The following NAV3 variants were observed in gnomAD, a reference collection of about 807,000 sequenced individuals.
The protein encoded by NAV3 is neuron navigator 3, also known as pore membrane and/or filament interacting like protein 1.
NAV3 carries 87 observed loss-of-function variants against 244.7 expected under a neutral mutation model. That is an observed-to-expected ratio of 0.36 (90% confidence interval 0.30 to 0.42). The LOEUF is 0.42. Among genes scored for constraint, NAV3 ranks in the 20% least tolerant of loss-of-function variants. NAV3 has a pLI of 1.00. For synonymous variants in NAV3, 1,126 were observed against 1,042.2 expected (o/e 1.08, Z -1.55); for missense variants, 2,663 against 2,893.3 (o/e 0.92, Z 1.83).
intron 2 of NAV3, among the ~76,000 whole-genome samples, chr12:77,739,823 G>T (rs1251095082): frequency 3.3e-5 from 5 of 152,074 alleles, no homozygotes; most frequent in Non-Finnish European, 5.9e-5. Flanking sequence ...AGATCCACAT[G>T]GATAATTGTC....
intron 2 of NAV3, among the ~76,000 whole-genome samples, chr12:77,818,923 T>C (rs962351922): frequency 6.6e-6 from 1 of 152,090 alleles, no homozygotes; most frequent in Non-Finnish European, 1.5e-5. Context: ...AATAGCTCAT[T>C]TCCCGGATTG....
chr12:78,127,463 T>TAAAC (rs542102606), intron 17 of NAV3, among the ~76,000 whole-genome samples: 30 of 152,216 alleles, frequency 2.0e-4, no homozygotes, highest in Admixed American at 1.4e-3. Flanking sequence ...GAAATAATAC[T>TAAAC]AAACAAACAA....
intron 2 of NAV3, among the ~76,000 whole-genome samples, chr12:77,792,495 C>T (rs370051311): frequency 3.7e-4 from 56 of 152,130 alleles, no homozygotes; most frequent in African/African-American, 1.3e-3. Context: ...AACCTGCTGC[C>T]CTGCTCTGAA....
chr12:77,960,866 T>TA (rs987919707), intron 3 of NAV3, among the ~76,000 whole-genome samples: 3 of 33,018 alleles, frequency 9.1e-5, no homozygotes, highest in East Asian at 6.0e-3. Flanking sequence ...ATTACACACA[T>TA]ATAATAATAT....
chr12:77,741,135 G>GAAAAAAAAAAAAA (rs71088333), intron 2 of NAV3, among the ~76,000 whole-genome samples: 1 of 60,750 alleles, frequency 1.6e-5, no homozygotes, highest in East Asian at 3.7e-4. Flanking sequence ...AATAGTCAAA[G>GAAAAAAAAAAAAA]AAAAAAAAAA....
At position 78,189,999 on chromosome 12, in the gene NAV3, G is replaced by A; in HGVS notation, c.6071G>A (p.Ser2024Asn). Residue 2024 changes from serine to asparagine, a missense_variant, in exon 34 of 40, where the codon AGT (serine) becomes AAT (asparagine). Physicochemically the swap from Ser to Asn is conservative, Grantham distance 46. Coordinates refer to ENST00000397909, the MANE Select transcript of NAV3 (RefSeq NM_001024383.2). ...CTTCTTTCAGGGGTAGAAGAAAATAGTTTGGACAGTTTTGTTTTTGATACG... is the reference window on the plus strand; with the variant it reads ...CTTCTTTCAGGGGTAGAAGAAAATAATTTGGACAGTTTTGTTTTTGATACG... ...TVNLKGVEENSLDSFVFDTLI... is the reference protein window; with the variant it reads ...TVNLKGVEENNLDSFVFDTLI... 1 of 1,612,588 alleles carries A rather than the reference G, an allele frequency of 6.2e-7. No homozygotes were observed. The highest frequency in any genetic ancestry group is 8.5e-7 in the Non-Finnish European group (1 of 1,179,160).
chr12:77,640,852 A>T (rs1277774147), intron 2 of NAV3, among the ~76,000 whole-genome samples: 1 of 152,176 alleles, frequency 6.6e-6, no homozygotes, highest in East Asian at 1.9e-4. Flanking sequence ...CTCACACCCA[A>T]GTAAACATGG....
upstream of NAV3, among the ~76,000 whole-genome samples, chr12:77,829,677 A>G (rs1873390079): frequency 6.6e-6 from 1 of 152,210 alleles, no homozygotes; most frequent in South Asian, 2.1e-4. Flanking sequence ...CCCGCTGTGT[A>G]AAGCCCACTT....
At chr12:77,636,062 G>A (rs564895397) in intron 2 of NAV3, among the ~76,000 whole-genome samples, 1 of 152,180 alleles carries the variant, frequency 6.6e-6, no homozygotes, top group Non-Finnish European at 1.5e-5. Flanking sequence ...ACATTTATGC[G>A]ACCAGCAAAC....
At chr12:77,902,358 C>T (rs149281332) in intron 1 of NAV3, among the ~76,000 whole-genome samples, 3 of 152,150 alleles carry the variant, frequency 2.0e-5, no homozygotes, top group African/African-American at 7.2e-5. Context: ...GATTTTGAAA[C>T]TGAGCCTATG....
chr12:77,854,103 AAT>A (rs1877975643), intron 1 of NAV3, among the ~76,000 whole-genome samples: 1 of 152,198 alleles, frequency 6.6e-6, no homozygotes, highest in African/African-American at 2.4e-5. Context: ...TTCCACACAC[AAT>A]ATGAATTTCA....
chr12:78,043,780 TG>T (rs1174024989), intron 9 of NAV3, among the ~76,000 whole-genome samples: 2 of 152,212 alleles, frequency 1.3e-5, no homozygotes, highest in Non-Finnish European at 1.5e-5. Flanking sequence ...TTGATGGGGT[TG>T]TTTTTTTCTT....
At chr12:78,123,028 C>T (rs1266879346) in intron 16 of NAV3, among the ~76,000 whole-genome samples, 5 of 151,804 alleles carry the variant, frequency 3.3e-5, no homozygotes, top group African/African-American at 1.2e-4. Context: ...TTCTCATTGG[C>T]TTTATATATA....
At chr12:77,578,654 C>A (rs1467235777) in intron 2 of NAV3, among the ~76,000 whole-genome samples, 2 of 152,126 alleles carry the variant, frequency 1.3e-5, no homozygotes, top group South Asian at 4.1e-4. Context: ...CCTTATTATT[C>A]ATTCCTGTTT....
At chr12:78,049,801 G>A (rs184750859) in intron 9 of NAV3, among the ~76,000 whole-genome samples, 192 bp from the exon 10 acceptor site, 1 of 152,172 alleles carries the variant, frequency 6.6e-6, no homozygotes, top group East Asian at 1.9e-4. Flanking sequence ...AATTATTACT[G>A]GTGATACTAT....
At chr12:77,901,581 G>A (rs917054628) in intron 1 of NAV3, among the ~76,000 whole-genome samples, 1 of 152,062 alleles carries the variant, frequency 6.6e-6, no homozygotes, top group Non-Finnish European at 1.5e-5. Context: ...GTGGTGACAG[G>A]TGCCTGTAAT....
intron 1 of NAV3, among the ~76,000 whole-genome samples, chr12:77,887,152 G>C (rs1883391084): frequency 6.6e-6 from 1 of 152,128 alleles, no homozygotes; most frequent in Non-Finnish European, 1.5e-5. Context: ...AGTGATAGGA[G>C]CTGGTAAGAA....
chr12:78,116,842 A>C lies in NAV3; in HGVS notation c.2707A>C (p.Asn903His), dbSNP rs1955405440. ...TLDNISTDDL[N>H]TTSSVSSYSN... ...TGATAACATCAGCACTGATGACCTG[A>C]ACACCACATCCTCTGTCAGCTCTTA... Residue 903 changes from asparagine to histidine, a missense_variant, in exon 13 of 40, where the codon AAC becomes CAC. By Grantham distance (68) the Asn-to-His change is moderately conservative (BLOSUM62 1). Transcript: ENST00000397909. 7 of 1,613,496 alleles carry C rather than the reference A, an allele frequency of 4.3e-6. No individual in the cohort carries two copies. Among genetic ancestry groups the C allele is most frequent in the Non-Finnish European group, 4.2e-6 (5 of 1,179,728 alleles).
At chr12:77,894,146 A>C (rs1261961526) in intron 1 of NAV3, among the ~76,000 whole-genome samples, 1 of 152,048 alleles carries the variant, frequency 6.6e-6, no homozygotes, top group Non-Finnish European at 1.5e-5. Flanking sequence ...TGGTTTGTTG[A>C]TGTTGGAACT....
Sources: gnomAD v4.1 joint callset for allele counts (sites outside exome capture counted in the v4.1 genomes callset) on GRCh38, gnomAD v4.1.1 for gene constraint, MANE v1.5 for transcripts, NCBI Gene and HGNC (gene_info 2026-07-23, HGNC 2026-07-21) for gene names.